Variants in ZNF569 observed in about 807,000 individuals in gnomAD.
The protein encoded by ZNF569 is zinc finger protein 569, also known as DNA-binding protein.
Under a neutral mutation model 56.3 loss-of-function variants are expected in ZNF569, and 38 were observed. That is an observed-to-expected ratio of 0.68 (90% CI 0.52 to 0.88). ZNF569 has a LOEUF of 0.88. ZNF569 is among the 40% of genes least tolerant of loss of function. ZNF569 has a pLI of 0.00. For synonymous variants in ZNF569, 241 were observed against 262.9 expected (o/e 0.92, Z 0.81); for missense variants, 666 against 809.2 (o/e 0.82, Z 2.15).
intron 2 of ZNF569, among the ~76,000 whole-genome samples, chr19:37,446,239 G>A (rs957676323): frequency 6.6e-6 from 1 of 152,096 alleles, no homozygotes; most frequent in African/African-American, 2.4e-5. Context: ...GGGATAATTG[G>A]CAAGCCATAT....
rs1376447488 is a variant in ZNF569, at chr19:37,414,202, A to G, written c.456T>C (p.Cys152=). 2.5e-6 allele frequency: 4 copies of G among 1,613,124 alleles called. No homozygotes were observed. The South Asian group carries it at 4.4e-5, about 18-fold the overall frequency. ...TCATAAGGCATTTCACATTATTATG[A>G]CAGTCAAAATTATGTTCTAAACACT... ...FGKCLEHNFD[C]HNNVKCLMRK... Residue 152 remains cysteine (C), a synonymous_variant, in exon 6 of 6, where the codon TGT becomes TGC. Coordinates refer to ENST00000316950, the MANE Select transcript of ZNF569 (RefSeq NM_152484.3).
chr19:37,423,289 A>G (rs1055753548), intron 5 of ZNF569, among the ~76,000 whole-genome samples: 2 of 152,238 alleles, frequency 1.3e-5, no homozygotes, highest in Non-Finnish European at 2.9e-5. Flanking sequence ...GAAATACACA[A>G]GGTCGAAATA....
intron 1 of ZNF569, 191 bp downstream of exon 1, chr19:37,466,893 T>C (rs1018624070): frequency 1.3e-5 from 2 of 152,286 alleles, no homozygotes; most frequent in African/African-American, 4.8e-5. Context: ...GTCTGGCAAA[T>C]GACAGTCACT....
chr19:37,425,115 AC>A (rs761395600), intron 5 of ZNF569, among the ~76,000 whole-genome samples: 117 of 151,966 alleles, frequency 7.7e-4, no homozygotes, highest in Non-Finnish European at 1.3e-3. Flanking sequence ...ACTCTGTCAC[AC>A]ACATACACAC....
chr19:37,446,342 G>A (rs1156910793), intron 2 of ZNF569, among the ~76,000 whole-genome samples: 3 of 152,050 alleles, frequency 2.0e-5, no homozygotes, highest in Non-Finnish European at 4.4e-5. Flanking sequence ...GAGGTCAGGA[G>A]ATTGAGACCA....
At chr19:37,421,735 T>C (rs1366427026) in intron 5 of ZNF569, among the ~76,000 whole-genome samples, 2 of 150,060 alleles carry the variant, frequency 1.3e-5, no homozygotes, top group South Asian at 2.1e-4. Context: ...GTGTATACTG[T>C]AGTGGCACTT....
upstream of ZNF569, chr19:37,468,194 C>T: frequency 1.8e-6 from 1 of 542,916 alleles, no homozygotes; most frequent in Non-Finnish European, 3.2e-6. Context: ...TCAAGCGATT[C>T]TCTGCCTCGG....
upstream of ZNF569, chr19:37,468,868 C>G (rs536800842): frequency 4.9e-5 from 8 of 163,128 alleles, no homozygotes; most frequent in Non-Finnish European, 8.7e-5. Context: ...CACCCTGCAT[C>G]CCCCCCACCC....
chr19:37,423,670 A>G (rs985880320), intron 5 of ZNF569, among the ~76,000 whole-genome samples: 1 of 152,232 alleles, frequency 6.6e-6, no homozygotes, highest in Non-Finnish European at 1.5e-5. Flanking sequence ...TGATGTGCCA[A>G]TCAGCTCAAT....
chr19:37,424,789 C>T (rs1271406339), intron 5 of ZNF569, among the ~76,000 whole-genome samples: 14 of 123,078 alleles, frequency 1.1e-4, no homozygotes, highest in Non-Finnish European at 1.6e-5. Flanking sequence ...GCACTCCAGC[C>T]TGGGTGACAG....
intron 3 of ZNF569, among the ~76,000 whole-genome samples, chr19:37,430,545 G>A (rs2041208712): frequency 6.6e-6 from 1 of 151,640 alleles, no homozygotes; most frequent in Non-Finnish European, 1.5e-5. Flanking sequence ...CACAATGGAG[G>A]ACAAATAGCA....
At chr19:37,452,830 A>T (rs1485004248) in intron 2 of ZNF569, among the ~76,000 whole-genome samples, 1 of 151,954 alleles carries the variant, frequency 6.6e-6, no homozygotes, top group East Asian at 1.9e-4. Context: ...GTGCTTCCTG[A>T]ATCTGGATGT....
chr19:37,416,732 A>C (rs775165376), intron 5 of ZNF569, among the ~76,000 whole-genome samples: 1 of 152,202 alleles, frequency 6.6e-6, no homozygotes, highest in Admixed American at 6.5e-5. Flanking sequence ...ATGGATAGAA[A>C]GGGCTGACTA....
chr19:37,427,498 T>C (rs2041154268), intron 3 of ZNF569, among the ~76,000 whole-genome samples: 1 of 152,200 alleles, frequency 6.6e-6, no homozygotes, highest in African/African-American at 2.4e-5. Context: ...CAATCCATAT[T>C]TCCTACTGTT....
chr19:37,439,834 A>AT (rs530235836), intron 3 of ZNF569, among the ~76,000 whole-genome samples: 42 of 152,352 alleles, frequency 2.8e-4, no homozygotes, highest in African/African-American at 8.4e-4. Context: ...GTTCTCACTT[A>AT]TTTATGAGAG....
At chr19:37,449,942 G>A (rs754993751) in intron 2 of ZNF569, among the ~76,000 whole-genome samples, 8 of 151,714 alleles carry the variant, frequency 5.3e-5, no homozygotes, top group African/African-American at 1.2e-4. Flanking sequence ...GTTCTTTTTC[G>A]CTCTCCTTCC....
At chr19:37,414,602 A>G (rs750849151) in intron 5 of ZNF569, among the ~76,000 whole-genome samples, 183 bp from the exon 6 acceptor site, 1 of 152,188 alleles carries the variant, frequency 6.6e-6, no homozygotes, top group Non-Finnish European at 1.5e-5. Flanking sequence ...GAAATTCAGG[A>G]AAGGAAATAT....
In ZNF569 at chr19:37,425,758, C is replaced by T. The variant is rs1480109685; in HGVS notation, c.238+110G>A. 1.4e-5 allele frequency: 13 copies of T among 947,940 alleles called. No individual in the cohort carries two copies. In the East Asian group the frequency reaches 3.0e-4, roughly 22 times the overall value. 58.7% of individuals were successfully genotyped at this position (947,940 alleles called of 1,614,324 possible). On this transcript the variant is annotated intron_variant, in intron 5 of 5. Coordinates refer to ENST00000316950, the MANE Select transcript of ZNF569 (RefSeq NM_152484.3). ...GGGACTATAGGTATGAACCACTGTGCCAACCTCTGAAAATATCTTTGAAGA... is the reference window on the plus strand; with the variant it reads ...GGGACTATAGGTATGAACCACTGTGTCAACCTCTGAAAATATCTTTGAAGA...
intron 3 of ZNF569, among the ~76,000 whole-genome samples, chr19:37,442,659 T>A (rs2041426056): frequency 6.6e-6 from 1 of 152,108 alleles, no homozygotes; most frequent in African/African-American, 2.4e-5. Flanking sequence ...GCCAGAGTAG[T>A]TCCAGGTAAG....
Sources: allele counts gnomAD v4.1 joint callset (sites outside exome capture counted in the v4.1 genomes callset), GRCh38; gene constraint gnomAD v4.1.1; transcripts MANE v1.5; gene names NCBI Gene and HGNC (gene_info 2026-07-23, HGNC 2026-07-21).